Variants in DLGAP2 observed in about 807,000 individuals in gnomAD.
DLGAP2 encodes the protein disks large-associated protein 2.
In DLGAP2, 26 loss-of-function variants were observed where a neutral mutation model predicts 100.3. The observed-to-expected ratio is 0.26, with a 90% CI of 0.19 to 0.36. The LOEUF is 0.36. Ranked by LOEUF, DLGAP2 falls within the 10% of genes least tolerant of loss-of-function variation. DLGAP2 has a pLI of 1.00. For synonymous variants in DLGAP2, 886 were observed against 630.1 expected (o/e 1.41, Z -6.08); for missense variants, 1,858 against 1,453.2 (o/e 1.28, Z -4.53).
chr8:950,040 C>T (rs982569999), intron 2 of DLGAP2, among the ~76,000 whole-genome samples: 1 of 152,202 alleles, frequency 6.6e-6, no homozygotes, highest in Non-Finnish European at 1.5e-5. Context: ...TCTTGCTTCT[C>T]CAGGGGACCC....
chr8:1,246,191 G>T (rs558121677), intron 2 of DLGAP2, among the ~76,000 whole-genome samples: 80 of 152,330 alleles, frequency 5.3e-4, no homozygotes, highest in Non-Finnish European at 9.8e-4. Flanking sequence ...TAATATTCAA[G>T]ATGTGGGTAA....
chr8:1,620,876 G>A (rs1797310297), intron 6 of DLGAP2, among the ~76,000 whole-genome samples: 1 of 152,156 alleles, frequency 6.6e-6, no homozygotes, highest in African/African-American at 2.4e-5. Context: ...CAAGCTGTCT[G>A]GGGTGTCCCT....
At chr8:1,286,595 C>A (rs1563061557) in intron 3 of DLGAP2, among the ~76,000 whole-genome samples, 1 of 152,120 alleles carries the variant, frequency 6.6e-6, no homozygotes. Flanking sequence ...ATGCCCATAC[C>A]CTCCTCTGCT....
At chr8:891,129 A>AC (rs143905782) in intron 1 of DLGAP2, 10,734 of 120,002 alleles carry the variant, frequency 0.089, 394 homozygotes, top group Non-Finnish European at 0.11. Context: ...TAAATAAGGC[A>AC]CCCCCCCCCC....
At chr8:1,512,700 G>A (rs376910835) in intron 4 of DLGAP2, among the ~76,000 whole-genome samples, 19 of 152,248 alleles carry the variant, frequency 1.2e-4, no homozygotes, top group Non-Finnish European at 2.4e-4. Context: ...CAGCAAATGC[G>A]TGAGTACCCC....
chr8:1,503,665 T>C (rs1212837355), intron 4 of DLGAP2, among the ~76,000 whole-genome samples: 1 of 152,186 alleles, frequency 6.6e-6, no homozygotes, highest in Non-Finnish European at 1.5e-5. Context: ...GGTGAAGCGA[T>C]GCTTCCTCGT....
At chr8:1,216,796 T>C (rs1278147199) in intron 2 of DLGAP2, among the ~76,000 whole-genome samples, 1 of 152,186 alleles carries the variant, frequency 6.6e-6, no homozygotes, top group Non-Finnish European at 1.5e-5. Flanking sequence ...GAATCTGTTA[T>C]GAAGTGAACA....
rs112831720 is a variant in DLGAP2 at position 1,533,460 on chromosome 8, C to T, written c.173-15166C>T. ...GGCAGAGTTTGCAGTGAGCCGAGAT[C>T]GCGCCACTGCATTCCAGCCTGGGCG... On this transcript the variant is annotated intron_variant, in intron 4 of 14. Transcript: ENST00000637795. Among the ~76,000 whole-genome samples, 1,041 of 151,806 alleles carry T rather than the reference C, an allele frequency of 6.9e-3. 12 individuals carry two copies. Among genetic ancestry groups the T allele is most frequent in the African/African-American group, 0.024 (998 of 41,370 alleles).
At chr8:860,274 C>T (rs17739765) in intron 1 of DLGAP2, among the ~76,000 whole-genome samples, 15,763 of 152,188 alleles carry the variant, frequency 0.1, 1,139 homozygotes, top group Middle Eastern at 0.16. Flanking sequence ...GATGACACCC[C>T]GGGTTTTGCA....
chr8:1,425,149 G>C (rs922222969), intron 3 of DLGAP2, among the ~76,000 whole-genome samples: 5 of 152,126 alleles, frequency 3.3e-5, no homozygotes, highest in Non-Finnish European at 5.9e-5. Flanking sequence ...GGTGATATAA[G>C]GATTTTTAAA....
chr8:1,477,872 G>A (rs1192595724), intron 3 of DLGAP2, among the ~76,000 whole-genome samples: 2 of 152,064 alleles, frequency 1.3e-5, no homozygotes, highest in African/African-American at 4.8e-5. Context: ...AGATGCCGGT[G>A]TCGGGATGGC....
At chr8:760,851 C>T (rs1182915629) in intron 1 of DLGAP2, among the ~76,000 whole-genome samples, 2 of 152,160 alleles carry the variant, frequency 1.3e-5, no homozygotes, top group Non-Finnish European at 2.9e-5. Context: ...GGGGTTTGCT[C>T]TTCTCCTCAG....
chr8:1,102,535 A>T (rs1483872575), intron 2 of DLGAP2, among the ~76,000 whole-genome samples: 1 of 151,962 alleles, frequency 6.6e-6, no homozygotes, highest in Non-Finnish European at 1.5e-5. Context: ...TTCTTTTGAT[A>T]TTATATATTT....
rs1375584204 is a variant in DLGAP2 at position 1,549,620 on chromosome 8, C to T, written c.1167C>T (p.Asn389=). The T allele has an allele frequency of 6.4e-7, 1 of 1,573,188 alleles. No individual in the cohort carries two copies. Among genetic ancestry groups the T allele is most frequent in the Admixed American group, 1.9e-5 (1 of 53,174 alleles). Reference sequence around the variant, plus strand: ...AGGCCTACCGCAAGAGCTCGCTGAACCTGGACAAGCCGCTGCTGCACCAGG... The same window carrying T: ...AGGCCTACCGCAAGAGCTCGCTGAATCTGGACAAGCCGCTGCTGCACCAGG... The part of the protein sequence containing the change: ...AKEAYRKSSL[N]LDKPLLHQDA... Residue 389 remains asparagine, a synonymous_variant, in exon 5 of 15, where the codon AAC becomes AAT. Coordinates refer to ENST00000637795, the MANE Select transcript of DLGAP2 (RefSeq NM_001346810.2).
At chr8:1,252,847 T>C (rs1799078698) in intron 2 of DLGAP2, among the ~76,000 whole-genome samples, 1 of 152,214 alleles carries the variant, frequency 6.6e-6, no homozygotes, top group Admixed American at 6.5e-5. Flanking sequence ...CTCGGAGACT[T>C]GGAAGAGGAA....
chr8:1,690,201 C>G (rs1455727638), intron 12 of DLGAP2, among the ~76,000 whole-genome samples: 1 of 151,286 alleles, frequency 6.6e-6, no homozygotes, highest in Non-Finnish European at 1.5e-5. Context: ...ACTAAAAATA[C>G]AAAAATTAGC....
chr8:1,647,630 T>C (rs182995785), intron 8 of DLGAP2, among the ~76,000 whole-genome samples: 3 of 148,108 alleles, frequency 2.0e-5, no homozygotes, highest in East Asian at 4.3e-4. Context: ...ATGCTAACAA[T>C]ATCAAGATAG....
At chr8:1,028,330 C>T (rs1801875297) in intron 2 of DLGAP2, among the ~76,000 whole-genome samples, 1 of 142,742 alleles carries the variant, frequency 7.0e-6, no homozygotes, top group Non-Finnish European at 1.5e-5. Context: ...CGTTATTCTC[C>T]AGGTCGGGTG....
chr8:1,226,952 G>C (rs534945631), intron 2 of DLGAP2, among the ~76,000 whole-genome samples: 2 of 151,532 alleles, frequency 1.3e-5, no homozygotes, highest in Non-Finnish European at 2.9e-5. Flanking sequence ...CAGTATCGAC[G>C]TTCCTAAGGA....
Sources: gnomAD v4.1 joint callset for allele counts (sites outside exome capture counted in the v4.1 genomes callset) on GRCh38, gnomAD v4.1.1 for gene constraint, MANE v1.5 for transcripts, NCBI Gene and HGNC (gene_info 2026-07-23, HGNC 2026-07-21) for gene names.